PLEKHM3: variants seen among roughly 807,000 people sequenced by gnomAD.
PLEKHM3 encodes pleckstrin homology domain containing M3.
Under a neutral mutation model 81.8 loss-of-function variants are expected in PLEKHM3, and 45 were observed. The observed-to-expected ratio is 0.55, with a 90% CI of 0.43 to 0.71. The LOEUF is 0.71. Among genes scored for constraint, PLEKHM3 ranks in the 30% least tolerant of loss-of-function variants. PLEKHM3 has a pLI of 0.00. For synonymous variants in PLEKHM3, 352 were observed against 356.4 expected, an observed-to-expected ratio of 0.99 and a Z score of 0.14; for missense variants, 788 against 924.3, an observed-to-expected ratio of 0.85 and a Z score of 1.91.
intron 6 of PLEKHM3, among the ~76,000 whole-genome samples, chr2:207,903,105 T>A (rs1414297691): frequency 6.6e-6 from 1 of 152,160 alleles, no homozygotes; most frequent in East Asian, 1.9e-4. Context: ...CTGTCCTTTT[T>A]CTTTCATTAA....
chr2:207,858,136 ATG>A (rs141449083), intron 7 of PLEKHM3, among the ~76,000 whole-genome samples: 23,206 of 126,644 alleles, frequency 0.18, 2,631 homozygotes, highest in Middle Eastern at 0.25. Flanking sequence ...TCATATAGAT[ATG>A]TGTGTGTGTG....
chr2:207,915,536 C>G (rs897976797), intron 5 of PLEKHM3, among the ~76,000 whole-genome samples: 6 of 152,184 alleles, frequency 3.9e-5, no homozygotes, highest in Admixed American at 2.6e-4. Context: ...GATAATATTA[C>G]CATTTTCCTG....
intron 5 of PLEKHM3, among the ~76,000 whole-genome samples, chr2:207,914,832 T>G (rs897502892): frequency 4.6e-5 from 7 of 152,212 alleles, no homozygotes; most frequent in Non-Finnish European, 1.0e-4. Context: ...GAGGCTGCTG[T>G]GTTTAGGGCC....
chr2:207,844,797 G>T (rs951272580), intron 7 of PLEKHM3, among the ~76,000 whole-genome samples: 1 of 152,112 alleles, frequency 6.6e-6, no homozygotes, highest in Non-Finnish European at 1.5e-5. Context: ...CAGATTTCAG[G>T]GCTACTGCTG....
intron 6 of PLEKHM3, among the ~76,000 whole-genome samples, chr2:207,883,574 T>A (rs1271500546): frequency 2.0e-5 from 3 of 152,182 alleles, no homozygotes; most frequent in African/African-American, 7.2e-5. Flanking sequence ...ATTGAGCATT[T>A]TGGTGGTGAG....
chr2:207,977,665 G>T, intron 2 of PLEKHM3, 79 bp from the exon 3 acceptor site: 1 of 1,252,524 alleles, frequency 8.0e-7, no homozygotes, highest in Non-Finnish European at 1.1e-6. Context: ...ACAGATCAGG[G>T]CACAAGAAAC....
intron 7 of PLEKHM3, among the ~76,000 whole-genome samples, chr2:207,837,621 A>T (rs1481881780): frequency 7.2e-6 from 1 of 139,378 alleles, no homozygotes; most frequent in Non-Finnish European, 1.5e-5. Flanking sequence ...ATAAAATTAC[A>T]ATAGTTCTCC....
intron 1 of PLEKHM3, among the ~76,000 whole-genome samples, chr2:208,012,718 G>C (rs1692744183): frequency 6.6e-6 from 1 of 152,230 alleles, no homozygotes; most frequent in African/African-American, 2.4e-5. Context: ...GGCTGACTCA[G>C]GGCCTCTGTG....
intron 3 of PLEKHM3, among the ~76,000 whole-genome samples, chr2:207,956,862 G>C (rs116834437): frequency 0.019 from 2,865 of 150,342 alleles, 93 homozygotes; most frequent in African/African-American, 0.066. Flanking sequence ...GAGCTACCAT[G>C]CCCAGCTGCA....
chr2:207,869,767 T>G (rs1458761620), intron 6 of PLEKHM3: 1 of 152,178 alleles, frequency 6.6e-6, no homozygotes, highest in Non-Finnish European at 1.5e-5. Context: ...AATATCACTT[T>G]CCACCATCCA....
intron 7 of PLEKHM3, among the ~76,000 whole-genome samples, chr2:207,853,528 G>C (rs1036499855): frequency 1.3e-5 from 2 of 151,870 alleles, no homozygotes; most frequent in Non-Finnish European, 2.9e-5. Context: ...AAGGTTAGGA[G>C]TTCCAGACCA....
chr2:207,954,145 C>T (rs1481708657), intron 3 of PLEKHM3, among the ~76,000 whole-genome samples: 1 of 152,096 alleles, frequency 6.6e-6, no homozygotes, highest in Non-Finnish European at 1.5e-5. Flanking sequence ...TATGATCGCA[C>T]CATGGCACTC....
intron 6 of PLEKHM3, chr2:207,868,624 G>A (rs1172261718): frequency 2.6e-5 from 4 of 152,136 alleles, no homozygotes; most frequent in East Asian, 1.9e-4. Context: ...TGAAAGCATC[G>A]AATATAGTTT....
chr2:207,837,761 A>ATTTTTT lies in PLEKHM3; in HGVS notation c.2109-9271_2109-9266dup, dbSNP rs1194861994. On this transcript the variant is annotated intron_variant, in intron 7 of 7. Transcript: ENST00000427836. Reference sequence around the variant, plus strand: ...GCCACGGCGCCTGGCCGGTTCTTCCATTTTTTTTTTTTTTTTTTTTTTTTT... The same window carrying ATTTTTT: ...GCCACGGCGCCTGGCCGGTTCTTCCATTTTTTTTTTTTTTTTTTTTTTTTTTTTTTT... Among the ~76,000 whole-genome samples, 5 of 74,738 alleles carry ATTTTTT rather than the reference A, an allele frequency of 6.7e-5. 2 individuals are homozygous for ATTTTTT. The highest frequency in any genetic ancestry group is 2.1e-4 in the African/African-American group (4 of 19,418). The allele number at this position is 74,738 out of a possible 152,430, so 49.0% of individuals were successfully genotyped here.
intron 5 of PLEKHM3, among the ~76,000 whole-genome samples, chr2:207,928,806 G>C (rs925196648): frequency 2.0e-5 from 3 of 152,266 alleles, no homozygotes; most frequent in Admixed American, 2.0e-4. Flanking sequence ...GTAAAAAGGA[G>C]AGGAAAGATT....
chr2:207,849,331 CA>C (rs376920248), intron 7 of PLEKHM3, among the ~76,000 whole-genome samples: 18 of 143,342 alleles, frequency 1.3e-4, no homozygotes, highest in South Asian at 2.2e-4. Context: ...GAGACTGTCT[CA>C]AAAAAAAAAA....
At chr2:207,851,153 CAAAAAAAAAAA>C (rs57701612) in intron 7 of PLEKHM3, 1 of 65,138 alleles carries the variant, frequency 1.5e-5, no homozygotes, top group African/African-American at 6.5e-5. Context: ...GACTCCGTCT[CAAAAAAAAAAA>C]AAAAAAAAAA....
At chr2:208,023,617 G>A (rs1366362363) in intron 1 of PLEKHM3, among the ~76,000 whole-genome samples, 1 of 152,090 alleles carries the variant, frequency 6.6e-6, no homozygotes, top group African/African-American at 2.4e-5. Flanking sequence ...GAGGGATCTA[G>A]GTTGCACGCT....
intron 3 of PLEKHM3, among the ~76,000 whole-genome samples, chr2:207,955,978 C>T (rs994088819): frequency 3.6e-5 from 5 of 139,250 alleles, no homozygotes; most frequent in African/African-American, 1.1e-4. Context: ...AAGGCTGTGT[C>T]GACACAGGGG....
Sources: allele counts gnomAD v4.1 joint callset (sites outside exome capture counted in the v4.1 genomes callset), GRCh38; gene constraint gnomAD v4.1.1; transcripts MANE v1.5; gene names NCBI Gene and HGNC (gene_info 2026-07-23, HGNC 2026-07-21).